PRRC2C: variants seen among roughly 807,000 people sequenced by gnomAD.
The protein encoded by PRRC2C is proline rich coiled-coil 2C.
PRRC2C carries 72 observed loss-of-function variants against 317.2 expected under a neutral mutation model. The observed-to-expected ratio is 0.23, with a 90% CI of 0.19 to 0.28. The LOEUF is 0.28. PRRC2C is among the 10% of genes least tolerant of loss of function. The probability of loss-of-function intolerance (pLI) is 1.00; values close to 1 mark genes in which losing one functional copy is unlikely to be tolerated. For missense variants in PRRC2C, 3,074 were observed against 3,459.7 expected (o/e 0.89, Z 2.80); for synonymous variants, 1,296 against 1,205.9 (o/e 1.07, Z -1.55).
Position 171,557,916 on chromosome 1 carries a change from A to G in PRRC2C, c.5804A>G (p.Gln1935Arg). ...NPAPPAPAQT[Q>R]AQTHKPVQNP... Reference sequence around the variant, plus strand: ...GCCCCACCTGCCCCAGCCCAGACTCAGGCACAGACCCACAAACCAGTCCAG... The same window carrying G: ...GCCCCACCTGCCCCAGCCCAGACTCGGGCACAGACCCACAAACCAGTCCAG... The change falls in exon 19 of 35, where the codon CAG becomes CGG. Residue 1935 changes from glutamine (Q) to arginine (R), a missense_variant. By Grantham distance (43) the Gln-to-Arg change is conservative. Around this residue, in one of 11 missense-constraint regions of PRRC2C, gnomAD observed 640 missense variants for 676.1 expected, o/e 0.95. Transcript: ENST00000647382. 1.9e-6 allele frequency: 3 copies of G among 1,558,414 alleles called. No homozygotes were observed. The highest frequency in any genetic ancestry group is 2.6e-6 in the Non-Finnish European group (3 of 1,156,368).
Position 171,513,097 on chromosome 1 carries a change from A to C in PRRC2C, c.215A>C (p.Asn72Thr). Reference protein sequence around the residue: ...LPSLKAENKGNDPNVNIVPKD... With the variant: ...LPSLKAENKGTDPNVNIVPKD... ...AGTCTTAAAGCAGAAAACAAAGGCA[A>C]TGATCCTAATGTAAACATTGTACCT... is the stretch of plus-strand genomic sequence containing the variant. The change falls in exon 3 of 35, where the codon AAT becomes ACT. Residue 72 changes from asparagine (N) to threonine (T), a missense_variant. By Grantham distance (65) the Asn-to-Thr change is moderately conservative. Around this residue, in one of 11 missense-constraint regions of PRRC2C, gnomAD observed 71 missense variants for 118.9 expected, o/e 0.60. Coordinates refer to ENST00000647382, the MANE Select transcript of PRRC2C (RefSeq NM_001387844.1). 6.2e-7 allele frequency: 1 copy of C among 1,613,850 alleles called. No individual in the cohort carries two copies.
At chr1:171,488,098 T>G (rs1477622716) in intron 1 of PRRC2C, among the ~76,000 whole-genome samples, 1 of 152,232 alleles carries the variant, frequency 6.6e-6, no homozygotes, top group African/African-American at 2.4e-5. Context: ...TATCCCTGTC[T>G]GCCTCCAAGT....
chr1:171,535,882 C>A, intron 13 of PRRC2C, 147 bp from the exon 14 acceptor site: 1 of 1,101,226 alleles, frequency 9.1e-7, no homozygotes, highest in Non-Finnish European at 1.3e-6. Context: ...AGTTTTTTGT[C>A]TTGCCAACTC....
Position 171,557,717 on chromosome 1 carries a change from G to A in PRRC2C, c.5605G>A (p.Ala1869Thr), listed in dbSNP as rs1465200412. 1.3e-6 allele frequency: 2 copies of A among 1,551,174 alleles called. No individual in the cohort carries two copies. The highest frequency in any genetic ancestry group is 3.9e-5 in the Admixed American group (2 of 50,920). ...AGCCTCAATTCCCATTCTTGCTTCA[G>A]CCCTAGCATCAACTTCAGCTCCAAC... The part of the protein sequence containing the change: ...ASASIPILAS[A>T]LASTSAPTPA... The change falls in exon 19 of 35, where the codon GCC becomes ACC. Residue 1869 changes from alanine (A) to threonine (T), a missense_variant. Physicochemically the swap from Ala to Thr is moderately conservative, Grantham distance 58 (BLOSUM62 0). This residue lies in a region of PRRC2C where 640 missense variants were observed against 676.1 expected (regional missense o/e 0.95). Transcript: ENST00000647382.
At chr1:171,546,648 G>A (rs1679171898) in intron 17 of PRRC2C, among the ~76,000 whole-genome samples, 1 of 152,086 alleles carries the variant, frequency 6.6e-6, no homozygotes, top group Admixed American at 6.6e-5. Context: ...TGCCCAGGCT[G>A]GTGTACAGTG....
chr1:171,495,923 G>A (rs1014478976), intron 1 of PRRC2C, among the ~76,000 whole-genome samples: 2 of 152,162 alleles, frequency 1.3e-5, no homozygotes, highest in African/African-American at 2.4e-5. Context: ...CAGCATAGTA[G>A]TTCTGGTGAG....
chr1:171,528,919 T>C (rs896991228), intron 11 of PRRC2C, among the ~76,000 whole-genome samples: 1 of 151,736 alleles, frequency 6.6e-6, no homozygotes, highest in East Asian at 2.0e-4. Flanking sequence ...CAAGGGGTCC[T>C]CTCACCTCCC....
chr1:171,550,476 T>C (rs1679981213), intron 18 of PRRC2C, among the ~76,000 whole-genome samples: 1 of 152,072 alleles, frequency 6.6e-6, no homozygotes, highest in Admixed American at 6.6e-5. Context: ...CTTTTTTTTT[T>C]TTTTTAAATA....
intron 18 of PRRC2C, among the ~76,000 whole-genome samples, chr1:171,550,466 CT>C (rs11299449): frequency 0.69 from 100,631 of 145,744 alleles, 34,409 homozygotes; most frequent in Middle Eastern, 0.75. Flanking sequence ...CAAAGACCAT[CT>C]TTTTTTTTTT....
rs1291858655 is a variant in PRRC2C at position 171,545,573 on chromosome 1, C to G, written c.4858C>G (p.Gln1620Glu). 3.1e-6 allele frequency: 5 copies of G among 1,607,376 alleles called. No homozygotes were observed. Among genetic ancestry groups the G allele is most frequent in the Non-Finnish European group, 3.4e-6 (4 of 1,176,700 alleles). The change falls in exon 17 of 35, where the codon CAA becomes GAA. Residue 1620 changes from glutamine to glutamate, a missense_variant. Gln to Glu is a conservative substitution (Grantham distance 29, BLOSUM62 2). Transcript: ENST00000647382. ...HQEGVPNGTG[Q>E]KNSKDSTGKK... Reference sequence around the variant, plus strand: ...GGAAGGAGTACCTAATGGTACAGGACAAAAGAACTCCAAAGATTCTACTGG... The same window carrying G: ...GGAAGGAGTACCTAATGGTACAGGAGAAAAGAACTCCAAAGATTCTACTGG...
chr1:171,535,897 CTG>C, intron 13 of PRRC2C, 130 bp from the exon 14 acceptor site: 1 of 1,220,994 alleles, frequency 8.2e-7, no homozygotes, highest in Non-Finnish European at 1.1e-6. Context: ...CAACTCTTAA[CTG>C]TTAAATACCT....
chr1:171,522,079 T>G (rs1673681543), intron 6 of PRRC2C, 98 bp from the exon 7 acceptor site: 2 of 484,572 alleles, frequency 4.1e-6, no homozygotes, highest in African/African-American at 4.0e-5. Context: ...TTTTATAAAT[T>G]GTAACTTCAG....
chr1:171,535,966 A>G, intron 13 of PRRC2C, 63 bp from the exon 14 acceptor site: 1 of 1,523,388 alleles, frequency 6.6e-7, no homozygotes, highest in Non-Finnish European at 8.9e-7. Flanking sequence ...TTGTGATATG[A>G]TTGATTATGT....
intron 1 of PRRC2C, among the ~76,000 whole-genome samples, chr1:171,492,152 G>C (rs1478564415): frequency 6.6e-6 from 1 of 152,066 alleles, no homozygotes; most frequent in African/African-American, 2.4e-5. Flanking sequence ...GATTTTTGTA[G>C]CCCCCACAAC....
rs1280851590 is a variant in PRRC2C, at chr1:171,532,501, A to G, written c.1413A>G (p.Glu471=). 3.1e-6 allele frequency: 5 copies of G among 1,610,574 alleles called. No individual in the cohort carries two copies. The highest frequency in any genetic ancestry group is 4.2e-6 in the Non-Finnish European group (5 of 1,178,478). Residue 471 remains glutamate (E), a synonymous_variant, in exon 12 of 35, where the codon GAA becomes GAG. Coordinates refer to ENST00000647382, the MANE Select transcript of PRRC2C (RefSeq NM_001387844.1). The stretch of plus-strand genomic sequence containing the variant: ...GTGCTCGTAAACGGCGTGAAGAGGA[A>G]GAGCGAAGAATGGAAGAACAAAGGA... ...VERARKRREE[E]ERRMEEQRKA...
intron 30 of PRRC2C, 92 bp from the exon 31 acceptor site, chr1:171,586,911 C>CA (rs1650165360): frequency 2.0e-6 from 2 of 1,014,446 alleles, no homozygotes; most frequent in South Asian, 3.2e-5. Context: ...AAATCTTACT[C>CA]AAAAGTATTT....
intron 11 of PRRC2C, among the ~76,000 whole-genome samples, 199 bp downstream of exon 11, chr1:171,528,043 TAAG>T (rs1172831137): frequency 2.6e-5 from 4 of 152,112 alleles, no homozygotes; most frequent in African/African-American, 7.2e-5. Flanking sequence ...ACTAAGAAAA[TAAG>T]AAGTACCTAG....
intron 14 of PRRC2C, among the ~76,000 whole-genome samples, 159 bp from the exon 15 acceptor site, chr1:171,537,104 C>T (rs1382238182): frequency 6.6e-6 from 1 of 152,118 alleles, no homozygotes; most frequent in Admixed American, 6.6e-5. Flanking sequence ...CAGAACAACC[C>T]TTACATAATT....
intron 11 of PRRC2C, among the ~76,000 whole-genome samples, chr1:171,530,114 C>A (rs1226276199): frequency 6.6e-6 from 1 of 152,042 alleles, no homozygotes; most frequent in Non-Finnish European, 1.5e-5. Flanking sequence ...ATAAATAAGA[C>A]CTTGGCCACG....
Sources: gnomAD v4.1 joint callset for allele counts (sites outside exome capture counted in the v4.1 genomes callset) on GRCh38, gnomAD v4.1.1 for gene constraint, gnomAD v4.1.1 regional missense constraint, MANE v1.5 for transcripts, NCBI Gene and HGNC (gene_info 2026-07-23, HGNC 2026-07-21) for gene names.